Variants in NMU observed in about 807,000 individuals in gnomAD.
The protein encoded by NMU is neuromedin U.
Under a neutral mutation model 35.4 loss-of-function variants are expected in NMU, and 29 were observed. The ratio of observed to expected loss-of-function variants is 0.82; its 90% confidence interval spans 0.61 to 1.12. The LOEUF (loss-of-function observed/expected upper bound fraction) is 1.12. NMU is among the 50% of genes most tolerant of loss of function. NMU has a pLI of 0.00. For synonymous variants in NMU, 78 were observed against 81.3 expected (o/e 0.96, Z 0.22); for missense variants, 199 against 206.2 (o/e 0.97, Z 0.21).
intron 9 of NMU, among the ~76,000 whole-genome samples, chr4:55,596,378 A>G (rs888300828): frequency 7.2e-6 from 1 of 138,114 alleles, no homozygotes. Flanking sequence ...TTTTTTTTTT[A>G]CTAAATTCAC....
chr4:55,596,698 T>A (rs1733193856), intron 9 of NMU, among the ~76,000 whole-genome samples: 1 of 152,200 alleles, frequency 6.6e-6, no homozygotes, highest in Admixed American at 6.5e-5. Context: ...TTCCTAATTA[T>A]GTCCCATGAG....
chr4:55,600,159 G>A (rs74945682), intron 8 of NMU, among the ~76,000 whole-genome samples: 3,306 of 152,082 alleles, frequency 0.022, 109 homozygotes, highest in African/African-American at 0.075. Context: ...GAAAGTATTC[G>A]TAACTCTTCC....
chr4:55,634,096 G>T lies in NMU; in HGVS notation c.112+1985C>A, dbSNP rs1017180432. Among the ~76,000 whole-genome samples, 10 of 152,136 alleles carry T rather than the reference G, an allele frequency of 6.6e-5. No homozygotes were observed. In the East Asian group the frequency reaches 1.9e-3, roughly 29 times the overall value. ...AGTGACACTTTTATTTTCCTCTGGC[G>T]TTGCGACATTTGTTATGTTGTTTTT... is the stretch of plus-strand genomic sequence containing the variant. On this transcript the variant is annotated intron_variant, in intron 1 of 9. Coordinates refer to ENST00000264218, the MANE Select transcript of NMU (RefSeq NM_006681.4).
At chr4:55,602,751 A>C (rs1296140182) in intron 7 of NMU, among the ~76,000 whole-genome samples, 1 of 152,232 alleles carries the variant, frequency 6.6e-6, no homozygotes, top group Non-Finnish European at 1.5e-5. Flanking sequence ...TTAAGGGGCT[A>C]CTGCCTAAGA....
intron 1 of NMU, among the ~76,000 whole-genome samples, chr4:55,632,970 GAA>G (rs57903053): frequency 0.018 from 2,144 of 121,438 alleles, 51 homozygotes; most frequent in African/African-American, 0.059. Flanking sequence ...TTTCACTGTG[GAA>G]AAAAAAAAAA....
intron 2 of NMU, among the ~76,000 whole-genome samples, chr4:55,629,175 C>G (rs188433643): frequency 6.6e-6 from 1 of 152,090 alleles, no homozygotes; most frequent in Non-Finnish European, 1.5e-5. Context: ...ATGGACTCTT[C>G]CTTTCTGTCT....
intron 2 of NMU, among the ~76,000 whole-genome samples, chr4:55,617,212 A>AG (rs1734141816): frequency 6.6e-6 from 1 of 152,122 alleles, no homozygotes. Flanking sequence ...TTCTCATACC[A>AG]GGGGGCGGAT....
intron 7 of NMU, among the ~76,000 whole-genome samples, chr4:55,601,738 G>A (rs1361294691): frequency 6.6e-6 from 1 of 152,128 alleles, no homozygotes; most frequent in Non-Finnish European, 1.5e-5. Context: ...TGTAATCTGA[G>A]CACTTTGGGA....
chr4:55,626,761 T>C (rs1402946358), intron 2 of NMU, among the ~76,000 whole-genome samples: 1 of 152,186 alleles, frequency 6.6e-6, no homozygotes, highest in Non-Finnish European at 1.5e-5. Context: ...CTTACCTTTT[T>C]CCATGTAGTC....
At position 55,619,615 on chromosome 4, in the gene NMU, C is replaced by G. The variant is rs4506899; in HGVS notation, c.172-3230G>C. Among the ~76,000 whole-genome samples, 218 of 105,402 alleles carry G rather than the reference C, an allele frequency of 2.1e-3. 2 individuals are homozygous for G. The highest frequency in any genetic ancestry group is 7.2e-3 in the African/African-American group (208 of 28,908). The allele number at this position is 105,402 out of a possible 152,430, so 69.1% of individuals were successfully genotyped here. A position where few individuals can be genotyped will look rare whatever the true frequency, so the allele number is the denominator to read the frequency against. On this transcript the variant is annotated intron_variant, in intron 2 of 9. Transcript: ENST00000264218. Reference sequence around the variant, plus strand: ...GGGCGCCCGCCATTGCCCAGGCTTGCTTAGGTAAACAAAGCAGCCGGGAAG... The same window carrying G: ...GGGCGCCCGCCATTGCCCAGGCTTGGTTAGGTAAACAAAGCAGCCGGGAAG...
intron 1 of NMU, 102 bp downstream of exon 1, chr4:55,635,979 A>T: frequency 6.6e-7 from 1 of 1,521,380 alleles, no homozygotes; most frequent in Non-Finnish European, 8.8e-7. Flanking sequence ...GAAGTCCCAG[A>T]AGCCAAGTAA....
chr4:55,596,196 C>G (rs73236156), intron 9 of NMU, among the ~76,000 whole-genome samples: 7,560 of 151,880 alleles, frequency 0.05, 227 homozygotes, highest in Non-Finnish European at 0.076. Context: ...TATAGGTCAT[C>G]AGGATAGAGA....
chr4:55,607,417 A>T lies in NMU; in HGVS notation c.309+20T>A, dbSNP rs368401009. 1.7e-6 allele frequency: 2 copies of T among 1,180,760 alleles called. No homozygotes were observed. Among genetic ancestry groups the T allele is most frequent in the Non-Finnish European group, 2.5e-6 (2 of 796,170 alleles). The allele number at this position is 1,180,760 out of a possible 1,614,324, so 73.1% of individuals were successfully genotyped here. A position where few individuals can be genotyped will look rare whatever the true frequency, so the allele number is the denominator to read the frequency against. On this transcript the variant is annotated intron_variant, in intron 5 of 9. Transcript: ENST00000264218. Reference sequence around the variant, plus strand: ...TCCCTTATTATTTTATAAGGTATAGATGTATGAAAATCATCTTACCCTTTT... The same window carrying T: ...TCCCTTATTATTTTATAAGGTATAGTTGTATGAAAATCATCTTACCCTTTT...
chr4:55,634,713 C>T (rs192024575), intron 1 of NMU, among the ~76,000 whole-genome samples: 112 of 152,278 alleles, frequency 7.4e-4, no homozygotes, highest in Admixed American at 2.1e-3. Context: ...TCCTAAGTTA[C>T]CAATAATATA....
chr4:55,614,758 T>C (rs1382883447), intron 3 of NMU, among the ~76,000 whole-genome samples: 2 of 152,202 alleles, frequency 1.3e-5, no homozygotes, highest in Non-Finnish European at 1.5e-5. Flanking sequence ...CTCTTAGTAC[T>C]AAAGAACTAG....
At chr4:55,614,596 T>A (rs1468388746) in intron 3 of NMU, among the ~76,000 whole-genome samples, 1 of 152,224 alleles carries the variant, frequency 6.6e-6, no homozygotes, top group East Asian at 1.9e-4. Flanking sequence ...AATAATTTTT[T>A]AAAGTATTAA....
At chr4:55,595,602 AAT>A (rs1366594544) in intron 9 of NMU, among the ~76,000 whole-genome samples, 191 bp from the exon 10 acceptor site, 62 of 133,236 alleles carry the variant, frequency 4.7e-4, no homozygotes, top group African/African-American at 1.6e-3. Context: ...AGACAGAAGA[AAT>A]ATATATATGT....
intron 9 of NMU, among the ~76,000 whole-genome samples, chr4:55,596,460 AT>A (rs1250350449): frequency 6.6e-6 from 1 of 151,332 alleles, no homozygotes; most frequent in Non-Finnish European, 1.5e-5. Context: ...AATCACAGGT[AT>A]TTTTTCCCAT....
chr4:55,601,724 T>C (rs2110182945), intron 7 of NMU, among the ~76,000 whole-genome samples: 1 of 152,290 alleles, frequency 6.6e-6, no homozygotes, highest in Admixed American at 6.5e-5. Flanking sequence ...CAGTGGCTCA[T>C]GCCTGTAATC....
Sources: allele counts gnomAD v4.1 joint callset (sites outside exome capture counted in the v4.1 genomes callset), GRCh38; gene constraint gnomAD v4.1.1; transcripts MANE v1.5; gene names NCBI Gene and HGNC (gene_info 2026-07-23, HGNC 2026-07-21).